The following MYH11 variants were observed in gnomAD, a reference collection of about 807,000 sequenced individuals.
MYH11 encodes myosin heavy chain 11, also known as myosin-11.
In MYH11, 80 loss-of-function variants were observed where a neutral mutation model predicts 246.6. That is an observed-to-expected ratio of 0.32 (90% CI 0.27 to 0.39). The LOEUF (loss-of-function observed/expected upper bound fraction) is 0.39, where lower values mean the gene tolerates loss of function less well. Ranked by LOEUF, MYH11 falls within the 10% of genes least tolerant of loss-of-function variation. The probability of loss-of-function intolerance (pLI) is 1.00; values close to 1 mark genes in which losing one functional copy is unlikely to be tolerated. For synonymous variants in MYH11, 1,071 were observed against 1,015.5 expected, an observed-to-expected ratio of 1.05 and a Z score of -1.04; for missense variants, 2,158 against 2,546.8, an observed-to-expected ratio of 0.85 and a Z score of 3.29.
chr16:15,715,292 CAGGTGGTTTCAGCGGA>C lies in MYH11; in HGVS notation c.5505-36_5505-21del. ...TTCTCTCTGCAAACAGCAAGGAAAA[CAGGTGGTTTCAGCGGA>C]GGGTGGCACCCCTTGTAGCTGGTGT... On this transcript the variant is annotated intron_variant, in intron 38 of 40. Transcript: ENST00000300036. The C allele has an allele frequency of 6.2e-7, 1 of 1,613,424 alleles. No homozygotes were observed. Among genetic ancestry groups the C allele is most frequent in the Non-Finnish European group, 8.5e-7 (1 of 1,179,642 alleles).
At chr16:15,830,397 G>A (rs1163720419) in intron 2 of MYH11, among the ~76,000 whole-genome samples, 2 of 152,196 alleles carry the variant, frequency 1.3e-5, no homozygotes, top group African/African-American at 2.4e-5. Context: ...GTCAATAGCA[G>A]ACAGGCTTAA....
chr16:15,845,185 C>A (rs1340656474), intron 1 of MYH11, among the ~76,000 whole-genome samples: 1 of 152,186 alleles, frequency 6.6e-6, no homozygotes, highest in Non-Finnish European at 1.5e-5. Context: ...AAACTCTCTA[C>A]ACCAAGCTTG....
At chr16:15,792,156 T>G (rs2042625928) in intron 4 of MYH11, 1 of 152,142 alleles carries the variant, frequency 6.6e-6, no homozygotes, top group African/African-American at 2.4e-5. Context: ...ACTCCTGGGT[T>G]CAAGTGACCC....
At position 15,790,393 on chromosome 16, in the gene MYH11, T is replaced by C. The variant is rs143002800; in HGVS notation, c.531-3661A>G. Among the ~76,000 whole-genome samples the C allele has an allele frequency of 3.6e-3, 538 of 151,458 alleles. 5 individuals carry two copies. The highest frequency in any genetic ancestry group is 0.013 in the African/African-American group (522 of 41,286). On this transcript the variant is annotated intron_variant, in intron 4 of 40. Transcript: ENST00000300036. ...CCTATCCGTGGCTATGGTCTCCCAC[T>C]TTGCCTGGGATGGGGAGTGGGACAT...
intron 37 of MYH11, chr16:15,718,103 A>T: frequency 1.4e-6 from 1 of 729,562 alleles, no homozygotes; most frequent in Non-Finnish European, 2.2e-6. Context: ...CTGGAAAATG[A>T]GACACTGCAG....
At chr16:15,731,523 ACT>A (rs1171565632) in intron 27 of MYH11, among the ~76,000 whole-genome samples, 1 of 149,998 alleles carries the variant, frequency 6.7e-6, no homozygotes, top group African/African-American at 2.5e-5. Context: ...ATGGCGGCTC[ACT>A]CTGTCGCCCA....
At chr16:15,780,270 T>G (rs1436390577) in intron 6 of MYH11, among the ~76,000 whole-genome samples, 1 of 143,904 alleles carries the variant, frequency 6.9e-6, no homozygotes, top group African/African-American at 2.5e-5. Flanking sequence ...TTGTCACATG[T>G]TGGGGGGGGG....
At position 15,720,071 on chromosome 16, in the gene MYH11, G is replaced by A. The variant is rs527384171; in HGVS notation, c.4953+80C>T. 57 of 1,586,744 alleles carry A rather than the reference G, an allele frequency of 3.6e-5. No homozygotes were observed. In the East Asian group the frequency reaches 1.1e-3, roughly 29 times the overall value. ...GGCAGGTGCAGGCTTGCTTCCTGGA[G>A]CCCGCTCTGCTGACTTCGGTGGCCT... On this transcript the variant is annotated intron_variant, in intron 34 of 40. Coordinates refer to ENST00000300036, the MANE Select transcript of MYH11 (RefSeq NM_002474.3).
chr16:15,715,348 G>T, intron 38 of MYH11, 76 bp from the exon 39 acceptor site: 1 of 1,402,714 alleles, frequency 7.1e-7, no homozygotes, highest in Non-Finnish European at 1.0e-6. Context: ...CCTGGAGGTG[G>T]CATCTTGAGT....
At chr16:15,705,736 CTT>C (rs973010814) in intron 40 of MYH11, among the ~76,000 whole-genome samples, 4 of 152,076 alleles carry the variant, frequency 2.6e-5, no homozygotes, top group African/African-American at 9.7e-5. Flanking sequence ...AATCTCAGCA[CTT>C]TGGGAGGCTG....
intron 2 of MYH11, among the ~76,000 whole-genome samples, chr16:15,832,920 C>T (rs1451777926): frequency 3.0e-5 from 4 of 134,246 alleles, no homozygotes; most frequent in African/African-American, 1.1e-4. Flanking sequence ...GGACTAAGCA[C>T]ATCTGAGCTT....
chr16:15,709,757 C>T (rs2039673132), intron 40 of MYH11, among the ~76,000 whole-genome samples: 1 of 152,190 alleles, frequency 6.6e-6, no homozygotes, highest in African/African-American at 2.4e-5. Context: ...GGAACAGAAG[C>T]CAAGAAGTCC....
intron 10 of MYH11, among the ~76,000 whole-genome samples, chr16:15,762,119 C>T (rs572493013): frequency 9.8e-5 from 15 of 152,326 alleles, no homozygotes; most frequent in South Asian, 4.1e-4. Flanking sequence ...GGATTACAGG[C>T]GCCTGCCACT....
intron 9 of MYH11, among the ~76,000 whole-genome samples, chr16:15,765,084 A>G (rs2041952200): frequency 6.6e-6 from 1 of 152,232 alleles, no homozygotes; most frequent in Non-Finnish European, 1.5e-5. Flanking sequence ...TCCAAAGCCT[A>G]TTCCAAGGTC....
rs377591580 is a variant in MYH11, at chr16:15,703,965, C to G, written c.*26G>C. 3 of 1,613,520 alleles carry G rather than the reference C, an allele frequency of 1.9e-6. No homozygotes were observed. Among genetic ancestry groups the G allele is most frequent in the Non-Finnish European group, 1.7e-6 (2 of 1,179,824 alleles). ...TTGTTTTGGTTTTTGGTTTTCTTGC[C>G]GTGGTGCAAAACTGTAGAAAGTTGC... On this transcript the variant is annotated 3_prime_UTR_variant, in exon 41 of 41. Transcript: ENST00000300036.
intron 19 of MYH11, among the ~76,000 whole-genome samples, chr16:15,745,582 C>CTTTTTTT (rs71981525): frequency 1.7e-4 from 16 of 94,330 alleles, no homozygotes; most frequent in Admixed American, 2.5e-4. Context: ...TTCTTTCTTT[C>CTTTTTTT]TTTTTTTTTT....
intron 3 of MYH11, among the ~76,000 whole-genome samples, chr16:15,804,701 G>A (rs2042969647): frequency 6.6e-6 from 1 of 152,042 alleles, no homozygotes; most frequent in African/African-American, 2.4e-5. Context: ...CCGCCAATTT[G>A]CTTTCTGTCT....
chr16:15,782,749 C>A, intron 5 of MYH11: 1 of 454,828 alleles, frequency 2.2e-6, no homozygotes, highest in East Asian at 4.3e-5. Flanking sequence ...ACATCACTGC[C>A]ACTCAAAGCC....
intron 2 of MYH11, among the ~76,000 whole-genome samples, chr16:15,837,365 G>A (rs1302999293): frequency 6.6e-6 from 1 of 152,144 alleles, no homozygotes; most frequent in Admixed American, 6.6e-5. Context: ...GATGACATGG[G>A]ATTGTCACAC....
Sources: gnomAD v4.1 joint callset for allele counts (sites outside exome capture counted in the v4.1 genomes callset) on GRCh38, gnomAD v4.1.1 for gene constraint, MANE v1.5 for transcripts, NCBI Gene and HGNC (gene_info 2026-07-23, HGNC 2026-07-21) for gene names.